Variants in NCALD observed in about 807,000 individuals in gnomAD.
NCALD encodes neurocalcin delta.
A neutral mutation model predicts 18.6 loss-of-function variants in NCALD; 10 were observed. That is an observed-to-expected ratio of 0.54 (90% CI 0.33 to 0.91). The LOEUF (loss-of-function observed/expected upper bound fraction) is 0.91. Ranked by LOEUF, NCALD falls within the 40% of genes least tolerant of loss-of-function variation. The pLI is 0.03. For synonymous variants in NCALD, 88 were observed against 87.4 expected (o/e 1.01, Z -0.04); for missense variants, 184 against 247.6 (o/e 0.74, Z 1.72).
intron 4 of NCALD, among the ~76,000 whole-genome samples, chr8:101,885,783 C>T (rs1166928308): frequency 6.6e-6 from 1 of 152,228 alleles, no homozygotes; most frequent in East Asian, 1.9e-4. Flanking sequence ...TGATTATCCA[C>T]ACCTCCATGC....
rs140739685 is a variant in NCALD, at chr8:102,023,312, G to C, written c.-209-3023C>G. ...TTAGAGAGATGTCATACTGTGCCGT[G>C]AAAGCACTCTTAGAATAGAGAGGAA... On this transcript the variant is annotated intron_variant, in intron 1 of 6. Transcript: ENST00000311028. 5.7e-3 allele frequency among the ~76,000 whole-genome samples: 857 copies of C among 151,396 alleles called. 12 individuals carry two copies. Among genetic ancestry groups the C allele is most frequent in the African/African-American group, 0.019 (800 of 41,130 alleles).
intron 4 of NCALD, among the ~76,000 whole-genome samples, chr8:101,810,031 T>G (rs1008979911): frequency 1.3e-5 from 2 of 152,214 alleles, no homozygotes; most frequent in African/African-American, 4.8e-5. Flanking sequence ...GTGGTGCCTG[T>G]GTTGACAGTG....
At chr8:102,041,060 C>A (rs1429937200) in intron 1 of NCALD, among the ~76,000 whole-genome samples, 1 of 152,186 alleles carries the variant, frequency 6.6e-6, no homozygotes, top group Non-Finnish European at 1.5e-5. Flanking sequence ...ACCTATTCTG[C>A]TAATTTCTCA....
intron 1 of NCALD, among the ~76,000 whole-genome samples, chr8:101,761,915 T>C (rs1586430680): frequency 6.6e-6 from 1 of 152,296 alleles, no homozygotes; most frequent in East Asian, 1.9e-4. Context: ...CGAATGTACA[T>C]GTGGGAGTAT....
chr8:101,908,127 T>C (rs188006901), intron 3 of NCALD, among the ~76,000 whole-genome samples: 1 of 152,290 alleles, frequency 6.6e-6, no homozygotes, highest in East Asian at 1.9e-4. Context: ...TTTTAAAAAA[T>C]CATTGCTTTT....
At chr8:101,902,921 G>A (rs1817487304) in intron 3 of NCALD, among the ~76,000 whole-genome samples, 1 of 152,098 alleles carries the variant, frequency 6.6e-6, no homozygotes, top group African/African-American at 2.4e-5. Context: ...ACCAACAACT[G>A]TGTTGCTCTC....
chr8:101,785,628 C>G (rs547132531), intron 1 of NCALD, among the ~76,000 whole-genome samples: 2 of 152,152 alleles, frequency 1.3e-5, no homozygotes, highest in Non-Finnish European at 2.9e-5. Flanking sequence ...AGCAGTGACC[C>G]TGTCCTGACT....
intron 2 of NCALD, among the ~76,000 whole-genome samples, chr8:101,960,118 G>A (rs1819783860): frequency 6.6e-6 from 1 of 152,100 alleles, no homozygotes; most frequent in Non-Finnish European, 1.5e-5. Flanking sequence ...ATTCTTTCAG[G>A]CTTGCAGGAA....
intron 1 of NCALD, among the ~76,000 whole-genome samples, chr8:101,722,377 C>T (rs937418449): frequency 4.6e-5 from 7 of 152,156 alleles, no homozygotes; most frequent in Non-Finnish European, 8.8e-5. Flanking sequence ...AATTCAGAAA[C>T]ATCCGGTAAT....
intron 1 of NCALD, among the ~76,000 whole-genome samples, chr8:101,736,582 G>A (rs16868292): frequency 0.044 from 6,682 of 152,194 alleles, 267 homozygotes; most frequent in African/African-American, 0.11. Flanking sequence ...GGCCATGTCC[G>A]ACAAAAACAC....
chr8:102,087,693 G>A (rs957506142), intron 1 of NCALD, among the ~76,000 whole-genome samples: 8 of 152,256 alleles, frequency 5.3e-5, no homozygotes, highest in South Asian at 2.1e-4. Flanking sequence ...CTTTGCTGAC[G>A]GCTATGGGTG....
intron 1 of NCALD, among the ~76,000 whole-genome samples, chr8:102,122,986 C>T (rs956593550): frequency 1.3e-5 from 2 of 152,338 alleles, no homozygotes; most frequent in African/African-American, 2.4e-5. Context: ...GCCCCGCTAC[C>T]GCAAGTACCC....
chr8:102,080,889 C>T (rs1049761145), intron 1 of NCALD, among the ~76,000 whole-genome samples: 2 of 152,174 alleles, frequency 1.3e-5, no homozygotes, highest in African/African-American at 2.4e-5. Flanking sequence ...TGTGCAAAGG[C>T]CTGAGGGTTT....
In NCALD at chr8:102,031,773, G is replaced by A. The variant is rs139824523; in HGVS notation, c.-209-11484C>T. ...ATCAATATTAGAAAAAAGTTAGCTA[G>A]GAATAAATAGGATTTGAGTATGAAA... On this transcript the variant is annotated intron_variant, in intron 1 of 6. Transcript: ENST00000311028. Among the ~76,000 whole-genome samples, 279 of 152,214 alleles carry A rather than the reference G, an allele frequency of 1.8e-3. 3 individuals carry two copies. In the South Asian group the frequency reaches 0.019, roughly 10 times the overall value.
In NCALD at chr8:101,761,024, G is replaced by C. The variant is rs960396299; in HGVS notation, c.-20+29838C>G. Among the ~76,000 whole-genome samples the C allele has an allele frequency of 1.6e-3, 193 of 120,968 alleles. 1 individual carries two copies. Among genetic ancestry groups the C allele is most frequent in the Non-Finnish European group, 2.0e-3 (120 of 60,446 alleles). The allele number at this position is 120,968 out of a possible 152,430, so 79.4% of individuals were successfully genotyped here. A position where few individuals can be genotyped will look rare whatever the true frequency, so the allele number is the denominator to read the frequency against. On this transcript the variant is annotated intron_variant, in intron 1 of 3. Coordinates refer to ENST00000220931, the MANE Select transcript of NCALD (RefSeq NM_032041.3). ...TTGAACAGATGTTCACATTCGGGTG[G>C]GGGCGGGGGGAGGGATGCTTTACTG...
chr8:102,119,637 G>C (rs1825886937), intron 1 of NCALD, among the ~76,000 whole-genome samples: 1 of 152,140 alleles, frequency 6.6e-6, no homozygotes, highest in South Asian at 2.1e-4. Flanking sequence ...GCTTGCCTAT[G>C]GCACAAAGCA....
chr8:102,050,664 A>G (rs1474626801), intron 1 of NCALD, among the ~76,000 whole-genome samples: 2 of 147,808 alleles, frequency 1.4e-5, no homozygotes, highest in African/African-American at 4.9e-5. Flanking sequence ...ATGTTTGTAT[A>G]TATAGTATAT....
chr8:102,045,683 C>T (rs571186990), intron 1 of NCALD, among the ~76,000 whole-genome samples: 2 of 152,176 alleles, frequency 1.3e-5, no homozygotes, highest in South Asian at 4.2e-4. Flanking sequence ...TTCATTGTGA[C>T]GCTGTATGCC....
intron 4 of NCALD, among the ~76,000 whole-genome samples, chr8:101,795,995 G>GT (rs1812625904): frequency 1.3e-5 from 2 of 152,338 alleles, no homozygotes; most frequent in African/African-American, 4.8e-5. Context: ...GAAAGGCAGA[G>GT]TTTGGCAGTC....
Sources: allele counts gnomAD v4.1 joint callset (sites outside exome capture counted in the v4.1 genomes callset), GRCh38; gene constraint gnomAD v4.1.1; transcripts MANE v1.5; gene names NCBI Gene and HGNC (gene_info 2026-07-23, HGNC 2026-07-21).